The following CDH16 variants were observed in gnomAD, a reference collection of about 807,000 sequenced individuals.
CDH16 encodes the protein cadherin-16.
A neutral mutation model predicts 87.6 loss-of-function variants in CDH16; 79 were observed. That is an observed-to-expected ratio of 0.90 (90% confidence interval 0.75 to 1.09). The LOEUF (loss-of-function observed/expected upper bound fraction) is 1.09, where lower values mean the gene tolerates loss of function less well. Ranked by LOEUF, CDH16 falls within the 50% of genes least tolerant of loss-of-function variation. The pLI, the probability that CDH16 is intolerant of heterozygous loss-of-function variation, is 0.00. For synonymous variants in CDH16, 457 were observed against 439.5 expected, an observed-to-expected ratio of 1.04 and a Z score of -0.50; for missense variants, 1,124 against 1,071.7, an observed-to-expected ratio of 1.05 and a Z score of -0.68.
At position 66,908,303 on chromosome 16, in the gene CDH16, C is replaced by G. The variant is rs77463171; in HGVS notation, c.*89G>C. 9.5e-7 allele frequency: 1 copy of G among 1,052,436 alleles called. No individual in the cohort carries two copies. Among genetic ancestry groups the G allele is most frequent in the Non-Finnish European group, 1.5e-6 (1 of 682,272 alleles). The allele number at this position is 1,052,436 out of a possible 1,614,324, so 65.2% of individuals were successfully genotyped here. ...TGGAGGGGCTTCTACTCTGTCCTGT[C>G]CCCTGCTGGATCTTGGGTGCTGGGC... On this transcript the variant is annotated 3_prime_UTR_variant, in exon 18 of 18. Coordinates refer to ENST00000299752, the MANE Select transcript of CDH16 (RefSeq NM_004062.4).
intron 17 of CDH16, 41 bp from the exon 18 acceptor site, chr16:66,908,530 C>T (rs755805488): frequency 2.0e-6 from 3 of 1,487,268 alleles, no homozygotes; most frequent in Admixed American, 1.7e-5. Context: ...TCAGAAGGGG[C>T]TGTGGGACTT....
At chr16:66,917,877 A>G (rs1484263777) in intron 2 of CDH16, 144 bp downstream of exon 2, 9 of 967,160 alleles carry the variant, frequency 9.3e-6, no homozygotes, top group Non-Finnish European at 1.2e-5. Flanking sequence ...CTCATCCCAC[A>G]GTGGCTCTAT....
chr16:66,917,611 C>T lies in CDH16; in HGVS notation c.129+31G>A, dbSNP rs369591654. 1.9e-5 allele frequency: 30 copies of T among 1,547,520 alleles called. No homozygotes were observed. In the Admixed American group the frequency reaches 3.2e-4, roughly 17 times the overall value. ...AGCAGGACTTTGCGGGGAGGGATCC[C>T]CCCGGCCCCAACCCCAGCTCTCCGG... On this transcript the variant is annotated intron_variant, in intron 3 of 17. Coordinates refer to ENST00000299752, the MANE Select transcript of CDH16 (RefSeq NM_004062.4).
chr16:66,915,882 C>G (rs1365222603), intron 5 of CDH16, among the ~76,000 whole-genome samples, 183 bp downstream of exon 5: 1 of 151,748 alleles, frequency 6.6e-6, no homozygotes, highest in African/African-American at 2.4e-5. Context: ...ACCTGGGTGA[C>G]AGTGAGTCTC....
chr16:66,915,099 G>T, intron 6 of CDH16, 121 bp downstream of exon 6: 2 of 918,870 alleles, frequency 2.2e-6, no homozygotes, highest in Non-Finnish European at 3.3e-6. Context: ...TCTCCACCTA[G>T]AGTGCCCTTC....
chr16:66,912,190 T>G, intron 12 of CDH16, 50 bp from the exon 13 acceptor site: 3 of 1,601,542 alleles, frequency 1.9e-6, no homozygotes, highest in Non-Finnish European at 1.7e-6. Context: ...AAGGCACATG[T>G]GCATGCATGC....
chr16:66,912,397 G>C lies in CDH16; in HGVS notation c.1393C>G (p.Pro465Ala). The C allele has an allele frequency of 6.2e-7, 1 of 1,614,054 alleles. No individual in the cohort carries two copies. Among genetic ancestry groups the C allele is most frequent in the East Asian group, 2.2e-5 (1 of 44,874 alleles). The change falls in exon 12 of 18, where the codon CCC (proline) becomes GCC (alanine). Residue 465 changes from proline (P) to alanine (A), a missense_variant. Coordinates refer to ENST00000299752, the MANE Select transcript of CDH16 (RefSeq NM_004062.4). ...GTTAGCATGGCCACCAGAGTCCCGG[G>C]CTCCACATCCTCAGGGAGGCTTATA... ...GPISLPEDVE[P>A]GTLVAMLTAI...
chr16:66,910,506 C>CAG lies in CDH16; in HGVS notation c.1925-6_1925-5dup. On this transcript the variant is annotated splice_polypyrimidine_tract_variant and splice_region_variant and intron_variant, in intron 14 of 17. Transcript: ENST00000299752. ...GAAGCGCTCAGTCTCGGCTCATCTGCAGAGGAGGCAGTGCTGAGCTGGCCA... is the reference window on the plus strand; with the variant it reads ...GAAGCGCTCAGTCTCGGCTCATCTGCAGAGAGGAGGCAGTGCTGAGCTGGCCA... 1 of 1,508,906 alleles carries CAG rather than the reference C, an allele frequency of 6.6e-7. No individual in the cohort carries two copies. Among genetic ancestry groups the CAG allele is most frequent in the Non-Finnish European group, 8.9e-7 (1 of 1,124,330 alleles). 93.5% of individuals were successfully genotyped at this position (1,508,906 alleles called of 1,614,324 possible). A position where few individuals can be genotyped will look rare whatever the true frequency, so the allele number is the denominator to read the frequency against.
intron 14 of CDH16, 23 bp downstream of exon 14, chr16:66,911,159 C>A: frequency 1.3e-6 from 2 of 1,596,072 alleles, no homozygotes; most frequent in South Asian, 1.1e-5. Flanking sequence ...CTCCCAGGGG[C>A]TCCCATCACT....
At position 66,912,675 on chromosome 16, in the gene CDH16, C is replaced by G. The variant is rs138940422; in HGVS notation, c.1271G>C (p.Gly424Ala). 23 of 1,613,934 alleles carry G rather than the reference C, an allele frequency of 1.4e-5. No homozygotes were observed. Among genetic ancestry groups the G allele is most frequent in the African/African-American group, 2.7e-5 (2 of 74,908 alleles). Reference protein sequence around the residue: ...LLLVLAMDLAGAEGGFSSTCE... With the variant: ...LLLVLAMDLAAAEGGFSSTCE... The stretch of plus-strand genomic sequence containing the variant: ...ATCAGGGCACTTACCACCCTCTGCG[C>G]CTGCCAGGTCCATGGCCAGCACCAG... The change falls in exon 10 of 18, where the codon GGC becomes GCC. Residue 424 changes from glycine (G) to alanine (A), a missense_variant. Physicochemically the swap from Gly to Ala is moderately conservative, Grantham distance 60. Coordinates refer to ENST00000299752, the MANE Select transcript of CDH16 (RefSeq NM_004062.4).
rs144794412 is a variant in CDH16 at position 66,912,347 on chromosome 16, G to A, written c.1443C>T (p.Pro481=). ...TGGCAAAATCCATGAGGCGGAAGGCGGGCTCGAGGTCAGCATCAATGGCTG... is the reference window on the plus strand; with the variant it reads ...TGGCAAAATCCATGAGGCGGAAGGCAGGCTCGAGGTCAGCATCAATGGCTG... ...MLTAIDADLE[P]AFRLMDFAIE... Residue 481 remains proline (P), a synonymous_variant, in exon 12 of 18, where the codon CCC becomes CCT. Transcript: ENST00000299752. 199 of 1,614,154 alleles carry A rather than the reference G, an allele frequency of 1.2e-4. No homozygotes were observed. Among genetic ancestry groups the A allele is most frequent in the Non-Finnish European group, 1.6e-4 (186 of 1,180,024 alleles).
chr16:66,915,090 C>T, intron 6 of CDH16, 130 bp downstream of exon 6: 1 of 857,328 alleles, frequency 1.2e-6, no homozygotes, highest in Non-Finnish European at 1.8e-6. Flanking sequence ...TTGTTGCTGT[C>T]TCCACCTAGA....
rs754359556 is a variant in CDH16 at position 66,913,638 on chromosome 16, G to A, written c.781-25C>T. 1.4e-5 allele frequency: 23 copies of A among 1,612,378 alleles called. No homozygotes were observed. In the Middle Eastern group the frequency reaches 6.6e-4, roughly 47 times the overall value. On this transcript the variant is annotated intron_variant, in intron 7 of 17. Coordinates refer to ENST00000299752, the MANE Select transcript of CDH16 (RefSeq NM_004062.4). ...CCTGGGGGGGACACCCCGGGCCAAG[G>A]GGCAGGAACAATCCATGTCAGCCTT...
intron 12 of CDH16, 45 bp downstream of exon 12, chr16:66,912,196 CA>C: frequency 6.3e-7 from 1 of 1,599,694 alleles, no homozygotes; most frequent in Non-Finnish European, 8.5e-7. Flanking sequence ...CATGTGCATG[CA>C]TGCGTGCATG....
At chr16:66,912,177 G>T (rs765855734) in intron 12 of CDH16, 37 bp from the exon 13 acceptor site, 4 of 1,604,940 alleles carry the variant, frequency 2.5e-6, no homozygotes, top group Non-Finnish European at 3.4e-6. Context: ...TGCGGGCCTG[G>T]GCAAGGCACA....
rs770655102 is a variant in CDH16, at chr16:66,912,649, A to G, written c.1282+15T>C. ...GAGGGGACAGGGGGCCTGGGTCACC[A>G]ATCAGGGCACTTACCACCCTCTGCG... is the stretch of plus-strand genomic sequence containing the variant. On this transcript the variant is annotated intron_variant, in intron 10 of 17. Transcript: ENST00000299752. 1 of 1,613,950 alleles carries G rather than the reference A, an allele frequency of 6.2e-7. No homozygotes were observed. The highest frequency in any genetic ancestry group is 1.1e-5 in the South Asian group (1 of 91,076).
chr16:66,916,567 G>C lies in CDH16; in HGVS notation c.130-138C>G, dbSNP rs1596985914. On this transcript the variant is annotated intron_variant, in intron 3 of 17. Transcript: ENST00000299752. This position sits in a 1 kb window ranked among gnomAD's most constrained non-coding sequence, Gnocchi z 4.1. The stretch of plus-strand genomic sequence containing the variant: ...GCTCCTGTCAGAGGTCACACAGCCA[G>C]TAAGCATCAGGACTGAGACTCAGAG... 1.1e-6 allele frequency: 1 copy of C among 952,214 alleles called. No individual in the cohort carries two copies. The highest frequency in any genetic ancestry group is 1.8e-5 in the South Asian group (1 of 56,086). 59.0% of individuals were successfully genotyped at this position (952,214 alleles called of 1,614,324 possible).
chr16:66,912,933 CT>C, intron 9 of CDH16, 42 bp from the exon 10 acceptor site: 1 of 1,561,800 alleles, frequency 6.4e-7, no homozygotes, highest in Non-Finnish European at 8.7e-7. Context: ...ACAGCCCAGC[CT>C]GGAGACCTTA....
intron 2 of CDH16, 28 bp downstream of exon 2, chr16:66,917,993 G>A (rs773501186): frequency 1.9e-6 from 3 of 1,554,664 alleles, no homozygotes; most frequent in Non-Finnish European, 8.7e-7. Context: ...GCCAAGACCT[G>A]AAGGAGAGGG....
Sources: gnomAD v4.1 joint callset for allele counts (sites outside exome capture counted in the v4.1 genomes callset) on GRCh38, gnomAD v4.1.1 for gene constraint, Gnocchi (gnomAD v3.1) non-coding constraint, MANE v1.5 for transcripts, NCBI Gene and HGNC (gene_info 2026-07-23, HGNC 2026-07-21) for gene names.